The following MIPOL1 variants were observed in gnomAD, a reference collection of about 807,000 sequenced individuals.
MIPOL1 encodes the protein mirror-image polydactyly gene 1 protein.
In MIPOL1, 57 loss-of-function variants were observed where a neutral mutation model predicts 60.9. The observed-to-expected ratio is 0.94, with a 90% CI of 0.76 to 1.17. MIPOL1 has a LOEUF of 1.17. Among genes scored for constraint, MIPOL1 ranks in the 50% most tolerant of loss-of-function variants. MIPOL1 has a pLI of 0.00. For missense variants in MIPOL1, 551 were observed against 511.6 expected (o/e 1.08, Z -0.74); for synonymous variants, 179 against 168.8 (o/e 1.06, Z -0.47).
At chr14:37,446,736 A>C (rs895666162) in intron 11 of MIPOL1, among the ~76,000 whole-genome samples, 1 of 152,214 alleles carries the variant, frequency 6.6e-6, no homozygotes, top group African/African-American at 2.4e-5. Flanking sequence ...ATGGGATACT[A>C]TGCAGCCATA....
intron 3 of MIPOL1, among the ~76,000 whole-genome samples, chr14:37,261,350 G>A (rs1490983829): frequency 6.6e-6 from 1 of 151,856 alleles, no homozygotes; most frequent in Non-Finnish European, 1.5e-5. Flanking sequence ...CCCCATAGTT[G>A]CTAACATTTC....
intron 11 of MIPOL1, among the ~76,000 whole-genome samples, chr14:37,445,955 A>G (rs1292958773): frequency 6.6e-6 from 1 of 152,154 alleles, no homozygotes; most frequent in Non-Finnish European, 1.5e-5. Context: ...CGTTAGACCT[A>G]AAACCATAAA....
chr14:37,523,743 G>GT (rs1418251036), intron 12 of MIPOL1, among the ~76,000 whole-genome samples: 4 of 152,080 alleles, frequency 2.6e-5, no homozygotes, highest in Non-Finnish European at 5.9e-5. Flanking sequence ...CCTTGACCTC[G>GT]TAAATCTTTC....
chr14:37,296,826 CA>C (rs1216044943), intron 7 of MIPOL1, among the ~76,000 whole-genome samples: 5 of 151,862 alleles, frequency 3.3e-5, no homozygotes, highest in Non-Finnish European at 7.4e-5. Context: ...GCTTACCAAC[CA>C]AAAAAAGTCC....
intron 11 of MIPOL1, among the ~76,000 whole-genome samples, chr14:37,496,069 T>G (rs966961050): frequency 3.0e-4 from 46 of 152,156 alleles, no homozygotes; most frequent in South Asian, 1.5e-3. Context: ...TTTATCCCAT[T>G]TTGTAGGTTG....
intron 1 of MIPOL1, among the ~76,000 whole-genome samples, chr14:37,210,069 A>G (rs9322975): frequency 1 from 151,767 of 152,114 alleles, 75,713 homozygotes; most frequent in Middle Eastern, 1. Context: ...TCTTGTATGT[A>G]TGTGTTTTTG....
At chr14:37,300,198 A>T (rs1177780846) in intron 7 of MIPOL1, among the ~76,000 whole-genome samples, 1 of 150,588 alleles carries the variant, frequency 6.6e-6, no homozygotes, top group African/African-American at 2.4e-5. Context: ...TTTGGAAGTA[A>T]ATCACTAAGT....
intron 12 of MIPOL1, 75 bp from the exon 13 acceptor site, chr14:37,546,830 T>C: frequency 8.3e-7 from 1 of 1,209,572 alleles, no homozygotes; most frequent in Non-Finnish European, 1.2e-6. Context: ...AATACTGTCC[T>C]TTATCAGCCA....
chr14:37,223,250 C>G (rs891541919), intron 1 of MIPOL1, among the ~76,000 whole-genome samples: 1 of 152,098 alleles, frequency 6.6e-6, no homozygotes. Flanking sequence ...CCGGGCTGGT[C>G]TTGAACTCCT....
At chr14:37,510,215 T>C (rs1267563999) in intron 12 of MIPOL1, among the ~76,000 whole-genome samples, 3 of 151,860 alleles carry the variant, frequency 2.0e-5, no homozygotes, top group Non-Finnish European at 4.4e-5. Flanking sequence ...CACATACATA[T>C]ACGTGTGTGT....
chr14:37,434,738 T>A (rs1349836311), intron 11 of MIPOL1, among the ~76,000 whole-genome samples: 1 of 151,910 alleles, frequency 6.6e-6, no homozygotes, highest in Non-Finnish European at 1.5e-5. Context: ...AGATGCAGAA[T>A]TTCTTCTTCC....
chr14:37,276,411 G>A (rs1412234561), intron 6 of MIPOL1: 2 of 150,916 alleles, frequency 1.3e-5, no homozygotes, highest in African/African-American at 4.8e-5. Flanking sequence ...TTTCTATTCA[G>A]GTTAAAATGT....
rs2086939993 is a variant in MIPOL1, at chr14:37,308,063, A to T, written c.631A>T (p.Asn211Tyr). 1 of 1,611,198 alleles carries T rather than the reference A, an allele frequency of 6.2e-7. No homozygotes were observed. Among genetic ancestry groups the T allele is most frequent in the Non-Finnish European group, 8.5e-7 (1 of 1,178,302 alleles). ...HMEMSLKVLENINPEENDMTL... is the reference protein window; with the variant it reads ...HMEMSLKVLEYINPEENDMTL... ...TGTGTCCCTTTTTTCTAGGCTAGAA[A>T]ATATTAACCCTGAAGAAAATGACAT... Residue 211 changes from asparagine to tyrosine, a missense_variant, in exon 8 of 13, where the codon AAT (asparagine) becomes TAT (tyrosine). By Grantham distance (143) the Asn-to-Tyr change is moderately radical. Coordinates refer to ENST00000684589, the MANE Select transcript of MIPOL1 (RefSeq NM_001388067.1).
rs558636790 is a variant in MIPOL1 at position 37,487,036 on chromosome 14, T to A, written c.1032-12872T>A. 2.3e-3 allele frequency among the ~76,000 whole-genome samples: 345 copies of A among 152,310 alleles called. 2 individuals are homozygous for A. The highest frequency in any genetic ancestry group is 8.0e-3 in the African/African-American group (334 of 41,582). ...CAATACCTAGTTTATTGAGAGTTTT[T>A]AGCATTAAGGGGTGTTGAATTTTGT... On this transcript the variant is annotated intron_variant, in intron 11 of 12. Coordinates refer to ENST00000684589, the MANE Select transcript of MIPOL1 (RefSeq NM_001388067.1).
rs138091266 is a variant in MIPOL1 at position 37,290,158 on chromosome 14, C to T, written c.623+4711C>T. On this transcript the variant is annotated intron_variant, in intron 7 of 12. Coordinates refer to ENST00000684589, the MANE Select transcript of MIPOL1 (RefSeq NM_001388067.1). ...CATTGTAAAAATGTTACTCGCTTGT[C>T]TTCTGACATTGTTTGCCTGAAAAGA... is the stretch of plus-strand genomic sequence containing the variant. Among the ~76,000 whole-genome samples the T allele has an allele frequency of 1.7e-3, 252 of 152,294 alleles. 1 individual carries two copies. The highest frequency in any genetic ancestry group is 5.7e-3 in the African/African-American group (238 of 41,562).
chr14:37,236,609 T>C (rs2153332706), intron 1 of MIPOL1, among the ~76,000 whole-genome samples: 1 of 152,166 alleles, frequency 6.6e-6, no homozygotes, highest in African/African-American at 2.4e-5. Context: ...GCTAATTTTT[T>C]GTATTTTTAG....
chr14:37,493,537 T>C (rs1263942327), intron 11 of MIPOL1, among the ~76,000 whole-genome samples: 1 of 152,188 alleles, frequency 6.6e-6, no homozygotes, highest in Admixed American at 6.6e-5. Context: ...TGGCCTGCCA[T>C]TGGACTCAAT....
At chr14:37,344,304 AATTT>A (rs2090785223) in intron 9 of MIPOL1, among the ~76,000 whole-genome samples, 1 of 151,976 alleles carries the variant, frequency 6.6e-6, no homozygotes, top group Admixed American at 6.6e-5. Flanking sequence ...ATTCCCCTGG[AATTT>A]ATTTTTTAAA....
intron 6 of MIPOL1, among the ~76,000 whole-genome samples, chr14:37,284,650 T>C (rs1480058787): frequency 2.0e-5 from 3 of 152,168 alleles, no homozygotes; most frequent in Admixed American, 2.0e-4. Flanking sequence ...GCCTGCTCAT[T>C]GTATTGTTTT....
Sources: allele counts gnomAD v4.1 joint callset (sites outside exome capture counted in the v4.1 genomes callset), GRCh38; gene constraint gnomAD v4.1.1; transcripts MANE v1.5; gene names NCBI Gene and HGNC (gene_info 2026-07-23, HGNC 2026-07-21).